Variants in ROBO2 observed in about 807,000 individuals in gnomAD.
ROBO2 encodes the protein roundabout homolog 2.
In ROBO2, 53 loss-of-function variants were observed where a neutral mutation model predicts 160.8. The observed-to-expected ratio is 0.33, with a 90% confidence interval of 0.26 to 0.41. ROBO2 has a LOEUF of 0.41. Among genes scored for constraint, ROBO2 ranks in the 10% least tolerant of loss-of-function variants. ROBO2 has a pLI of 1.00. For synonymous variants in ROBO2, 664 were observed against 611.7 expected (o/e 1.09, Z -1.26); for missense variants, 1,577 against 1,722.4 (o/e 0.92, Z 1.49).
intron 2 of ROBO2, among the ~76,000 whole-genome samples, chr3:76,866,377 T>G (rs1166969): frequency 0.094 from 14,361 of 152,182 alleles, 802 homozygotes; most frequent in South Asian, 0.13. Context: ...GTGTTTACAT[T>G]AATCCTTCAT....
At chr3:77,238,749 A>AG (rs2088476573) in intron 2 of ROBO2, among the ~76,000 whole-genome samples, 1 of 152,136 alleles carries the variant, frequency 6.6e-6, no homozygotes, top group African/African-American at 2.4e-5. Context: ...GGGCCTTTTT[A>AG]GGCAAACAGA....
At chr3:76,514,522 AAATAAT>A (rs2081256804) in intron 2 of ROBO2, among the ~76,000 whole-genome samples, 1 of 152,206 alleles carries the variant, frequency 6.6e-6, no homozygotes, top group African/African-American at 2.4e-5. Context: ...ATATTTATAA[AAATAAT>A]AATAATGAAG....
intron 2 of ROBO2, among the ~76,000 whole-genome samples, chr3:77,303,705 A>ATG (rs1292261836): frequency 2.0e-5 from 3 of 152,010 alleles, no homozygotes; most frequent in Admixed American, 2.0e-4. Flanking sequence ...TCATTACACA[A>ATG]TGTGTGTGTA....
At chr3:77,336,359 A>G (rs908886188) in intron 2 of ROBO2, among the ~76,000 whole-genome samples, 1 of 152,088 alleles carries the variant, frequency 6.6e-6, no homozygotes, top group African/African-American at 2.4e-5. Context: ...CGAAGTCAAG[A>G]GGGGCCTGTT....
intron 2 of ROBO2, among the ~76,000 whole-genome samples, chr3:76,765,022 T>C (rs141211775): frequency 6.6e-6 from 1 of 151,622 alleles, no homozygotes; most frequent in Admixed American, 6.6e-5. Flanking sequence ...TAGTGAACAT[T>C]GTACCCAATA....
chr3:76,213,104 A>G (rs1202369246), intron 2 of ROBO2, among the ~76,000 whole-genome samples: 1 of 152,128 alleles, frequency 6.6e-6, no homozygotes, highest in Non-Finnish European at 1.5e-5. Flanking sequence ...AATTCACTGT[A>G]CAGAGGCATA....
At chr3:77,098,326 C>G in exon 2 of ROBO2, 2 of 1,614,186 alleles carry the variant, frequency 1.2e-6, no homozygotes. Flanking sequence ...CGAAATGCGT[C>G]TCTGGAAGTG....
At chr3:76,617,555 C>G (rs1380347274) in intron 2 of ROBO2, among the ~76,000 whole-genome samples, 1 of 151,868 alleles carries the variant, frequency 6.6e-6, no homozygotes, top group African/African-American at 2.4e-5. Flanking sequence ...ATTTTTCATT[C>G]AATAATTAGT....
intron 2 of ROBO2, among the ~76,000 whole-genome samples, chr3:77,178,187 A>AT (rs1287102428): frequency 6.6e-6 from 1 of 152,060 alleles, no homozygotes; most frequent in African/African-American, 2.4e-5. Context: ...AAGGTAGGAT[A>AT]GATGAAGACA....
At chr3:77,052,701 A>G (rs1285552645) in intron 1 of ROBO2, among the ~76,000 whole-genome samples, 1 of 152,224 alleles carries the variant, frequency 6.6e-6, no homozygotes, top group African/African-American at 2.4e-5. Context: ...ACACTGAAAA[A>G]AATCAGTTAG....
chr3:76,424,927 A>G (rs910340558), intron 2 of ROBO2, among the ~76,000 whole-genome samples: 6 of 152,198 alleles, frequency 3.9e-5, no homozygotes, highest in Non-Finnish European at 8.8e-5. Flanking sequence ...GCTGAACTCA[A>G]CATTCCCACC....
chr3:77,044,507 C>T (rs546484881), intron 1 of ROBO2, among the ~76,000 whole-genome samples: 11 of 152,114 alleles, frequency 7.2e-5, no homozygotes, highest in Admixed American at 5.2e-4. Context: ...CTTTCTTCTT[C>T]TCATTCATCG....
chr3:77,269,193 A>C (rs1365764019), intron 2 of ROBO2, among the ~76,000 whole-genome samples: 1 of 152,312 alleles, frequency 6.6e-6, no homozygotes, highest in East Asian at 1.9e-4. Flanking sequence ...AGAAAGATGA[A>C]ATTTCATGTA....
chr3:77,636,913 G>T, intron 24 of ROBO2, among the ~76,000 whole-genome samples: 1 of 152,136 alleles, frequency 6.6e-6, no homozygotes, highest in Admixed American at 6.5e-5. Flanking sequence ...ATTAAAATAT[G>T]TATCCTGAAG....
At chr3:76,359,361 G>T (rs2075371571) in intron 2 of ROBO2, among the ~76,000 whole-genome samples, 1 of 152,116 alleles carries the variant, frequency 6.6e-6, no homozygotes, top group African/African-American at 2.4e-5. Flanking sequence ...GTGCAAGTAT[G>T]ATTCTTGATA....
chr3:75,989,433 C>A (rs906841132), intron 2 of ROBO2, among the ~76,000 whole-genome samples: 1 of 152,110 alleles, frequency 6.6e-6, no homozygotes, highest in Admixed American at 6.6e-5. Context: ...CTTAAAGGGG[C>A]TCTATGTTTT....
chr3:76,221,881 A>T (rs1021185437), intron 2 of ROBO2, among the ~76,000 whole-genome samples: 2 of 152,162 alleles, frequency 1.3e-5, no homozygotes, highest in Non-Finnish European at 2.9e-5. Context: ...CCCACGGAAG[A>T]CAAATCCATA....
At chr3:76,469,153 T>TTGA (rs1208203423) in intron 2 of ROBO2, among the ~76,000 whole-genome samples, 1 of 152,108 alleles carries the variant, frequency 6.6e-6, no homozygotes, top group East Asian at 1.9e-4. Flanking sequence ...ATTTTTCATA[T>TTGA]TACCTCAAAA....
intron 2 of ROBO2, among the ~76,000 whole-genome samples, chr3:76,263,832 G>A (rs1469342460): frequency 6.6e-6 from 1 of 152,038 alleles, no homozygotes; most frequent in Non-Finnish European, 1.5e-5. Context: ...ATGACCATCA[G>A]TGATAAACTG....
Sources: allele counts gnomAD v4.1 joint callset (sites outside exome capture counted in the v4.1 genomes callset), GRCh38; gene constraint gnomAD v4.1.1; transcripts MANE v1.5; gene names NCBI Gene and HGNC (gene_info 2026-07-23, HGNC 2026-07-21).